The following RBFOX1 variants were observed in gnomAD, a reference collection of about 807,000 sequenced individuals.
The protein encoded by RBFOX1 is RNA binding protein fox-1 homolog 1.
A neutral mutation model predicts 57.7 loss-of-function variants in RBFOX1; 8 were observed. The observed-to-expected ratio is 0.14, with a 90% CI of 0.08 to 0.25. The LOEUF is 0.25. Ranked by LOEUF, RBFOX1 falls within the 10% of genes least tolerant of loss-of-function variation. The probability of loss-of-function intolerance (pLI) is 1.00; values close to 1 mark genes in which losing one functional copy is unlikely to be tolerated. For synonymous variants in RBFOX1, 326 were observed against 222.4 expected, an observed-to-expected ratio of 1.47 and a Z score of -4.15; for missense variants, 611 against 548.5, an observed-to-expected ratio of 1.11 and a Z score of -1.14.
intron 2 of RBFOX1, among the ~76,000 whole-genome samples, chr16:6,582,112 T>C (rs1216880233): frequency 1.3e-5 from 2 of 152,158 alleles, no homozygotes; most frequent in African/African-American, 2.4e-5. Flanking sequence ...GGCAATAGCA[T>C]TGAGGCTGAG....
chr16:6,937,951 G>A (rs931076042), intron 3 of RBFOX1, among the ~76,000 whole-genome samples: 2 of 125,874 alleles, frequency 1.6e-5, no homozygotes, highest in African/African-American at 6.0e-5. Flanking sequence ...GGAATGCCCT[G>A]GCTGAGAGGA....
At chr16:5,821,080 AG>A (rs1165422312) in intron 3 of RBFOX1, among the ~76,000 whole-genome samples, 2 of 151,976 alleles carry the variant, frequency 1.3e-5, no homozygotes, top group African/African-American at 4.8e-5. Flanking sequence ...TGCTCCTACC[AG>A]GGTCTCTGCA....
At chr16:7,296,997 A>C (rs2095906911) in intron 4 of RBFOX1, among the ~76,000 whole-genome samples, 1 of 152,180 alleles carries the variant, frequency 6.6e-6, no homozygotes, top group Non-Finnish European at 1.5e-5. Context: ...ACCTCATGTC[A>C]GGGGAAGAGC....
At chr16:7,693,528 G>T (rs1049071442) in intron 14 of RBFOX1, among the ~76,000 whole-genome samples, 1 of 151,184 alleles carries the variant, frequency 6.6e-6, no homozygotes, top group Non-Finnish European at 1.5e-5. Context: ...AAGCCTTGAG[G>T]CTCTGCCATA....
chr16:7,333,283 G>T (rs907262585), intron 4 of RBFOX1, among the ~76,000 whole-genome samples: 1 of 152,150 alleles, frequency 6.6e-6, no homozygotes, highest in African/African-American at 2.4e-5. Context: ...CTGAATAAAT[G>T]GTGTAGTTGA....
intron 4 of RBFOX1, among the ~76,000 whole-genome samples, chr16:7,198,796 G>T (rs1008241419): frequency 6.6e-6 from 1 of 152,190 alleles, no homozygotes; most frequent in African/African-American, 2.4e-5. Context: ...TCCCAACACT[G>T]TTGCAATGGA....
intron 3 of RBFOX1, among the ~76,000 whole-genome samples, chr16:6,960,242 A>G (rs1294954217): frequency 6.6e-6 from 1 of 152,188 alleles, no homozygotes; most frequent in Non-Finnish European, 1.5e-5. Flanking sequence ...TAGATTAAGT[A>G]AATTTACTGA....
intron 1 of RBFOX1, among the ~76,000 whole-genome samples, chr16:6,216,650 C>T (rs1420543925): frequency 6.6e-6 from 1 of 152,108 alleles, no homozygotes; most frequent in East Asian, 1.9e-4. Context: ...TTTGTATTTT[C>T]CTTCTTTCTT....
At chr16:6,826,018 C>G (rs1209315998) in intron 3 of RBFOX1, among the ~76,000 whole-genome samples, 1 of 152,142 alleles carries the variant, frequency 6.6e-6, no homozygotes, top group African/African-American at 2.4e-5. Flanking sequence ...GGTAGGCCGA[C>G]CACATCGTGG....
chr16:5,307,496 C>G (rs1236713666), intron 1 of RBFOX1, among the ~76,000 whole-genome samples: 1 of 152,150 alleles, frequency 6.6e-6, no homozygotes, highest in Non-Finnish European at 1.5e-5. Context: ...CACTTCCCCT[C>G]CTTATGCCAC....
chr16:6,439,593 A>G (rs1043554312), intron 2 of RBFOX1, among the ~76,000 whole-genome samples: 2 of 151,932 alleles, frequency 1.3e-5, no homozygotes, highest in African/African-American at 4.8e-5. Flanking sequence ...AGTGCAATAT[A>G]CCCTTCCTGA....
chr16:5,332,722 T>C (rs1008665037), intron 1 of RBFOX1, among the ~76,000 whole-genome samples: 2 of 151,838 alleles, frequency 1.3e-5, no homozygotes, highest in African/African-American at 4.8e-5. Context: ...TTTATTACCA[T>C]GTGTAGATAT....
At chr16:6,579,737 A>G (rs1232652058) in intron 2 of RBFOX1, among the ~76,000 whole-genome samples, 1 of 152,002 alleles carries the variant, frequency 6.6e-6, no homozygotes, top group Non-Finnish European at 1.5e-5. Context: ...GGAACAGACT[A>G]ATACACTTGG....
At chr16:7,558,546 ACTTT>A (rs1355372027) in intron 5 of RBFOX1, among the ~76,000 whole-genome samples, 3 of 152,098 alleles carry the variant, frequency 2.0e-5, no homozygotes, top group Non-Finnish European at 4.4e-5. Context: ...ATATACATAT[ACTTT>A]CTTACTATAT....
chr16:7,044,840 C>A lies in RBFOX1; in HGVS notation c.-15-7217C>A, dbSNP rs558435102. Among the ~76,000 whole-genome samples the A allele has an allele frequency of 2.0e-5, 3 of 152,228 alleles. No homozygotes were observed. The South Asian group carries it at 6.2e-4, about 32-fold the overall frequency. On this transcript the variant is annotated intron_variant, in intron 3 of 15. Transcript: ENST00000550418. ...CACAGACTGTAGGGAGTTACAGGTG[C>A]CTTTTTTTCCACCTCCCCTCTCCCC...
At chr16:5,267,372 A>C (rs2062886526) in intron 1 of RBFOX1, among the ~76,000 whole-genome samples, 1 of 149,170 alleles carries the variant, frequency 6.7e-6, no homozygotes, top group Non-Finnish European at 1.5e-5. Context: ...ATCTTGACTC[A>C]CTGCAACCTC....
chr16:6,743,911 G>A (rs1460993234), intron 3 of RBFOX1, among the ~76,000 whole-genome samples: 2 of 150,202 alleles, frequency 1.3e-5, no homozygotes, highest in Non-Finnish European at 2.9e-5. Context: ...ATTCATCTAT[G>A]ATATATACAG....
At chr16:6,640,749 A>G (rs937051501) in intron 2 of RBFOX1, among the ~76,000 whole-genome samples, 2 of 152,184 alleles carry the variant, frequency 1.3e-5, no homozygotes, top group African/African-American at 4.8e-5. Context: ...CTCCTTCTGA[A>G]GGATACAAGT....
At chr16:7,455,302 T>A (rs2058274663) in intron 4 of RBFOX1, among the ~76,000 whole-genome samples, 1 of 152,128 alleles carries the variant, frequency 6.6e-6, no homozygotes, top group Non-Finnish European at 1.5e-5. Context: ...TATTGAGAAG[T>A]TTCACGTTTC....
Sources: gnomAD v4.1 joint callset for allele counts (sites outside exome capture counted in the v4.1 genomes callset) on GRCh38, gnomAD v4.1.1 for gene constraint, MANE v1.5 for transcripts, NCBI Gene and HGNC (gene_info 2026-07-23, HGNC 2026-07-21) for gene names.